SRRM3: variants seen among roughly 807,000 people sequenced by gnomAD.
SRRM3 encodes serine/arginine repetitive matrix 3, also known as serine/arginine repetitive matrix protein 3.
SRRM3 carries 27 observed loss-of-function variants against 66.2 expected under a neutral mutation model. That is an observed-to-expected ratio of 0.41 (90% CI 0.30 to 0.56). SRRM3 has a LOEUF of 0.56. Ranked by LOEUF, SRRM3 falls within the 20% of genes least tolerant of loss-of-function variation. The probability of loss-of-function intolerance (pLI) is 0.32; values close to 1 mark genes in which losing one functional copy is unlikely to be tolerated. For synonymous variants in SRRM3, 391 were observed against 414.9 expected, an observed-to-expected ratio of 0.94 and a Z score of 0.70; for missense variants, 918 against 991.9, an observed-to-expected ratio of 0.93 and a Z score of 1.00.
chr7:76,266,322 A>G (rs1554609655), intron 10 of SRRM3, among the ~76,000 whole-genome samples: 1 of 116,918 alleles, frequency 8.6e-6, no homozygotes, highest in Non-Finnish European at 1.6e-5. Flanking sequence ...ATATTTTAAT[A>G]TAAATATTAA....
chr7:76,205,490 G>A (rs782524581), intron 1 of SRRM3, among the ~76,000 whole-genome samples: 5 of 152,272 alleles, frequency 3.3e-5, no homozygotes, highest in South Asian at 2.1e-4. Flanking sequence ...GATTACAGGC[G>A]TAAGCCACCA....
chr7:76,277,750 G>GAAAGAAAAAAGAAAA (rs1802391359), intron 11 of SRRM3, among the ~76,000 whole-genome samples: 2 of 141,816 alleles, frequency 1.4e-5, no homozygotes, highest in African/African-American at 5.3e-5. Context: ...GAGAGAGAAA[G>GAAAGAAAAAAGAAAA]AAAGAAAAGA....
At chr7:76,262,312 C>G (rs1430197814) in intron 8 of SRRM3, among the ~76,000 whole-genome samples, 1 of 151,780 alleles carries the variant, frequency 6.6e-6, no homozygotes, top group Admixed American at 6.6e-5. Flanking sequence ...TTGACACCAG[C>G]CTGGACAACA....
intron 2 of SRRM3, among the ~76,000 whole-genome samples, chr7:76,240,105 G>T (rs1231188278): frequency 6.6e-6 from 1 of 152,084 alleles, no homozygotes; most frequent in Admixed American, 6.5e-5. Context: ...GGTGGAGATT[G>T]TAGTGAGCTG....
chr7:76,243,422 T>C (rs1276613369), intron 2 of SRRM3, among the ~76,000 whole-genome samples: 3 of 152,056 alleles, frequency 2.0e-5, no homozygotes, highest in Non-Finnish European at 4.4e-5. Flanking sequence ...CCCAACAAGA[T>C]ACCCTGGGGC....
chr7:76,238,379 C>T (rs782079857), intron 2 of SRRM3, among the ~76,000 whole-genome samples: 10 of 152,138 alleles, frequency 6.6e-5, no homozygotes, highest in East Asian at 1.9e-4. Flanking sequence ...GTTTATTTAC[C>T]GGGTTCTCGG....
intron 1 of SRRM3, among the ~76,000 whole-genome samples, chr7:76,222,410 C>CAAA (rs572163883): frequency 1.2e-5 from 1 of 84,392 alleles, no homozygotes; most frequent in African/African-American, 4.6e-5. Context: ...GACCCCGTCT[C>CAAA]AAAAAAAAAA....
At chr7:76,280,466 C>G (rs1235736031) in intron 11 of SRRM3, among the ~76,000 whole-genome samples, 1 of 150,658 alleles carries the variant, frequency 6.6e-6, no homozygotes, top group Non-Finnish European at 1.5e-5. Context: ...GCCCTGGCCC[C>G]GCTCCCGGTG....
chr7:76,237,167 G>C (rs1801172858), intron 2 of SRRM3, among the ~76,000 whole-genome samples: 1 of 152,118 alleles, frequency 6.6e-6, no homozygotes, highest in African/African-American at 2.4e-5. Context: ...CAGCACTATG[G>C]GAGGACAAGG....
At position 76,285,095 on chromosome 7, in the gene SRRM3, A is replaced by G. The variant is rs1554612559; in HGVS notation, c.1734-520A>G. ...GTTTTTTTTTTTGAGACGGAGTCTCACTCTGTCACCCAGGCTGGAGTGCAG... is the reference window on the plus strand; with the variant it reads ...GTTTTTTTTTTTGAGACGGAGTCTCGCTCTGTCACCCAGGCTGGAGTGCAG... On this transcript the variant is annotated intron_variant, in intron 14 of 14. Transcript: ENST00000611745. The surrounding 1 kb of genome is among the most constrained non-coding windows in gnomAD (Gnocchi z 4.1). Among the ~76,000 whole-genome samples, 1 of 151,458 alleles carries G rather than the reference A, an allele frequency of 6.6e-6. No homozygotes were observed. Among genetic ancestry groups the G allele is most frequent in the African/African-American group, 2.4e-5 (1 of 41,182 alleles).
At chr7:76,241,472 G>A (rs1387142125) in intron 2 of SRRM3, among the ~76,000 whole-genome samples, 1 of 152,176 alleles carries the variant, frequency 6.6e-6, no homozygotes, top group Non-Finnish European at 1.5e-5. Flanking sequence ...CTCTGGGACA[G>A]ATAAGCTTCA....
chr7:76,277,586 T>C (rs1229279314), intron 11 of SRRM3, among the ~76,000 whole-genome samples: 1 of 151,944 alleles, frequency 6.6e-6, no homozygotes, highest in Non-Finnish European at 1.5e-5. Context: ...ATCCCTTAGC[T>C]ACTCAGGAGG....
chr7:76,231,662 C>T (rs1801019543), intron 1 of SRRM3, among the ~76,000 whole-genome samples: 1 of 152,368 alleles, frequency 6.6e-6, no homozygotes, highest in East Asian at 1.9e-4. Flanking sequence ...GTTCCCTCCC[C>T]TAAAAGGGCT....
intron 11 of SRRM3, among the ~76,000 whole-genome samples, chr7:76,278,535 A>G (rs909827424): frequency 3.3e-5 from 5 of 151,966 alleles, no homozygotes; most frequent in Non-Finnish European, 5.9e-5. Flanking sequence ...CCAGCCTCCA[A>G]CTCTCCTAGC....
At chr7:76,281,374 T>C in intron 11 of SRRM3, 67 bp from the exon 12 acceptor site, 1 of 1,115,292 alleles carries the variant, frequency 9.0e-7, no homozygotes, top group East Asian at 3.7e-5. Flanking sequence ...CTCTCTTCTC[T>C]CTCTGTCTCT....
intron 1 of SRRM3, among the ~76,000 whole-genome samples, chr7:76,205,249 A>G (rs964372790): frequency 2.0e-4 from 31 of 151,706 alleles, no homozygotes; most frequent in African/African-American, 7.3e-4. Context: ...TCTCTCTGTC[A>G]CCCAGGCTGG....
chr7:76,236,995 G>A (rs555404022), intron 2 of SRRM3, among the ~76,000 whole-genome samples: 1 of 152,316 alleles, frequency 6.6e-6, no homozygotes, highest in Admixed American at 6.5e-5. Context: ...GCTCACGGCT[G>A]TACCAGCTCA....
At chr7:76,243,304 G>A (rs533644893) in intron 2 of SRRM3, among the ~76,000 whole-genome samples, 1 of 152,246 alleles carries the variant, frequency 6.6e-6, no homozygotes, top group African/African-American at 2.4e-5. Flanking sequence ...TGTCCCAAGT[G>A]GCTCAGCTGA....
chr7:76,264,324 G>T (rs146953660), intron 8 of SRRM3, among the ~76,000 whole-genome samples: 7 of 151,884 alleles, frequency 4.6e-5, no homozygotes, highest in African/African-American at 1.7e-4. Context: ...ACACCACCAC[G>T]CCTGGCTAAT....
Sources: gnomAD v4.1 joint callset for allele counts (sites outside exome capture counted in the v4.1 genomes callset) on GRCh38, gnomAD v4.1.1 for gene constraint, Gnocchi (gnomAD v3.1) non-coding constraint, MANE v1.5 for transcripts, NCBI Gene and HGNC (gene_info 2026-07-23, HGNC 2026-07-21) for gene names.